Variants in NRXN3 observed in about 807,000 individuals in gnomAD.
NRXN3 encodes neurexin III.
A neutral mutation model predicts 137.6 loss-of-function variants in NRXN3; 32 were observed. That is an observed-to-expected ratio of 0.23 (90% confidence interval 0.18 to 0.31). NRXN3 has a LOEUF of 0.31. Among genes scored for constraint, NRXN3 ranks in the 10% least tolerant of loss-of-function variants. The pLI, the probability that NRXN3 is intolerant of heterozygous loss-of-function variation, is 1.00. For synonymous variants in NRXN3, 798 were observed against 784.5 expected (o/e 1.02, Z -0.29); for missense variants, 1,574 against 2,062.5 (o/e 0.76, Z 4.59).
chr14:78,960,337 G>A (rs1317002869), intron 11 of NRXN3, among the ~76,000 whole-genome samples: 2 of 152,096 alleles, frequency 1.3e-5, no homozygotes, highest in Non-Finnish European at 2.9e-5. Flanking sequence ...ATAAAATCAG[G>A]CAATGAAACT....
chr14:79,456,050 T>C (rs960192173), intron 15 of NRXN3, among the ~76,000 whole-genome samples: 7 of 152,180 alleles, frequency 4.6e-5, no homozygotes, highest in African/African-American at 1.7e-4. Flanking sequence ...TCTTCATTAA[T>C]ACTCTAATTA....
chr14:79,391,776 T>C (rs1301559911), intron 15 of NRXN3, among the ~76,000 whole-genome samples: 1 of 152,216 alleles, frequency 6.6e-6, no homozygotes, highest in East Asian at 1.9e-4. Context: ...TGCCATGAAA[T>C]TGCATTGATT....
intron 1 of NRXN3, among the ~76,000 whole-genome samples, chr14:78,234,210 T>C (rs2065865078): frequency 6.6e-6 from 1 of 152,194 alleles, no homozygotes. Flanking sequence ...TTACCCAGTC[T>C]CAGGTATGTC....
chr14:79,262,294 C>T (rs2077728400), intron 15 of NRXN3, among the ~76,000 whole-genome samples: 1 of 151,094 alleles, frequency 6.6e-6, no homozygotes, highest in Non-Finnish European at 1.5e-5. Flanking sequence ...GCTCTCTGAT[C>T]AGCAAATTCT....
At chr14:79,406,281 C>T in intron 15 of NRXN3, among the ~76,000 whole-genome samples, 1 of 150,358 alleles carries the variant, frequency 6.7e-6, no homozygotes, top group South Asian at 2.1e-4. Context: ...CTCCTCTCCC[C>T]TCTTCTCCCC....
At chr14:79,724,124 A>C (rs182030980) in intron 19 of NRXN3, among the ~76,000 whole-genome samples, 1 of 152,304 alleles carries the variant, frequency 6.6e-6, no homozygotes, top group East Asian at 1.9e-4. Flanking sequence ...GTGATACTTC[A>C]CATGTACTCT....
intron 4 of NRXN3, among the ~76,000 whole-genome samples, chr14:78,457,021 C>T (rs1349507678): frequency 6.7e-6 from 1 of 148,270 alleles, no homozygotes; most frequent in Non-Finnish European, 1.5e-5. Flanking sequence ...TCCTCATCTC[C>T]CTTCCCTCCC....
At chr14:78,487,531 T>C (rs2095582427) in intron 4 of NRXN3, among the ~76,000 whole-genome samples, 1 of 152,126 alleles carries the variant, frequency 6.6e-6, no homozygotes, top group African/African-American at 2.4e-5. Flanking sequence ...TCACTTGAGG[T>C]CAGGAGTTCA....
At chr14:78,643,556 C>G (rs1055037429) in intron 4 of NRXN3, among the ~76,000 whole-genome samples, 3 of 152,132 alleles carry the variant, frequency 2.0e-5, no homozygotes, top group Non-Finnish European at 4.4e-5. Context: ...CTTACCTTGA[C>G]AAATATACCT....
chr14:78,962,257 C>T (rs2099409533), intron 11 of NRXN3, among the ~76,000 whole-genome samples: 1 of 152,184 alleles, frequency 6.6e-6, no homozygotes, highest in Admixed American at 6.5e-5. Flanking sequence ...AATGTCCTAA[C>T]CTCTAAAGCA....
In NRXN3 at chr14:78,709,085, T is replaced by C. The variant is rs965220011; in HGVS notation, c.1222-132T>C. On this transcript the variant is annotated intron_variant, in intron 6 of 20. Transcript: ENST00000335750. ...ATACCTTTTTGGTTCCTGTGTCTCA[T>C]TGTTTCTCATGTTGTTTTGGGCTAT... The C allele has an allele frequency of 6.8e-6, 5 of 739,658 alleles. No individual in the cohort carries two copies. The African/African-American group carries it at 8.8e-5, about 13-fold the overall frequency. 45.8% of individuals were successfully genotyped at this position (739,658 alleles called of 1,614,324 possible).
intron 1 of NRXN3, among the ~76,000 whole-genome samples, chr14:78,237,526 T>A (rs1379506293): frequency 6.6e-6 from 1 of 152,206 alleles, no homozygotes; most frequent in Non-Finnish European, 1.5e-5. Flanking sequence ...AGTTTGAGCT[T>A]CACTCTAATA....
chr14:79,691,172 C>T (rs1245568599), intron 17 of NRXN3, among the ~76,000 whole-genome samples: 1 of 152,078 alleles, frequency 6.6e-6, no homozygotes, highest in Non-Finnish European at 1.5e-5. Flanking sequence ...TTATGGAAAC[C>T]ATTCAGCAGT....
chr14:78,611,021 C>A (rs142438139), intron 4 of NRXN3, among the ~76,000 whole-genome samples: 2 of 152,286 alleles, frequency 1.3e-5, no homozygotes, highest in African/African-American at 4.8e-5. Context: ...CTCTCACTTC[C>A]CTCCCTGACA....
intron 17 of NRXN3, among the ~76,000 whole-genome samples, chr14:79,684,275 T>C (rs2098685739): frequency 6.6e-6 from 1 of 152,168 alleles, no homozygotes; most frequent in Non-Finnish European, 1.5e-5. Context: ...GAACAATTTC[T>C]TTGGGAAGCC....
intron 8 of NRXN3, among the ~76,000 whole-genome samples, chr14:78,794,697 C>A (rs1338413091): frequency 6.6e-6 from 1 of 151,542 alleles, no homozygotes; most frequent in East Asian, 1.9e-4. Context: ...TTAATGATGG[C>A]ATGATTTGAA....
At chr14:78,401,355 T>C (rs1431475042) in intron 4 of NRXN3, among the ~76,000 whole-genome samples, 1 of 152,128 alleles carries the variant, frequency 6.6e-6, no homozygotes, top group Non-Finnish European at 1.5e-5. Flanking sequence ...AGTAGAGACA[T>C]GGTTTTGCCA....
chr14:79,451,350 G>C (rs1479063850), intron 15 of NRXN3, among the ~76,000 whole-genome samples: 1 of 152,072 alleles, frequency 6.6e-6, no homozygotes, highest in African/African-American at 2.4e-5. Context: ...TATGACCTTT[G>C]GCTGTGATTT....
chr14:78,576,718 G>GCGGA (rs2096939455), intron 4 of NRXN3, among the ~76,000 whole-genome samples: 1 of 152,180 alleles, frequency 6.6e-6, no homozygotes. Flanking sequence ...GTGTCAAGGG[G>GCGGA]CGGAACATTC....
Sources: gnomAD v4.1 joint callset for allele counts (sites outside exome capture counted in the v4.1 genomes callset) on GRCh38, gnomAD v4.1.1 for gene constraint, MANE v1.5 for transcripts, NCBI Gene and HGNC (gene_info 2026-07-23, HGNC 2026-07-21) for gene names.